The following KRABD5 variants were observed in gnomAD, a reference collection of about 807,000 sequenced individuals.
KRABD5 encodes the protein KRAB domain containing 5.
the KRABD5 span, among the ~76,000 whole-genome samples, chr16:31,726,259 C>A: frequency 6.6e-6 from 1 of 152,070 alleles, no homozygotes; most frequent in Non-Finnish European, 1.5e-5. Context: ...TATCTTGGTG[C>A]CCTTGTCAAA....
At chr16:31,738,515 T>C in the KRABD5 span, among the ~76,000 whole-genome samples, 1 of 152,142 alleles carries the variant, frequency 6.6e-6, no homozygotes, top group Non-Finnish European at 1.5e-5. Context: ...ATGACAGTAT[T>C]TTACTTTGCA....
chr16:31,720,200 TC>T, the KRABD5 span, among the ~76,000 whole-genome samples: 4 of 152,226 alleles, frequency 2.6e-5, no homozygotes, highest in African/African-American at 9.7e-5. Flanking sequence ...GATGTTACTG[TC>T]CTCTCCAGCC....
At chr16:31,753,337 C>T in the KRABD5 span, among the ~76,000 whole-genome samples, 1 of 152,198 alleles carries the variant, frequency 6.6e-6, no homozygotes, top group African/African-American at 2.4e-5. Flanking sequence ...ATCATTTCAA[C>T]TATATCACCA....
the KRABD5 span, among the ~76,000 whole-genome samples, chr16:31,731,452 G>A: frequency 6.6e-6 from 1 of 152,326 alleles, no homozygotes; most frequent in South Asian, 2.1e-4. Flanking sequence ...TAGAATAGAT[G>A]TGGACAGGTG....
chr16:31,753,755 G>C, the KRABD5 span: 19 of 1,456,484 alleles, frequency 1.3e-5, no homozygotes, highest in African/African-American at 2.9e-5. Flanking sequence ...AAAACTTTTG[G>C]TATCTTTCAG....
At chr16:31,719,738 A>T in the KRABD5 span, among the ~76,000 whole-genome samples, 4 of 152,220 alleles carry the variant, frequency 2.6e-5, no homozygotes, top group African/African-American at 9.6e-5. Context: ...CCCCAAACCC[A>T]AAAGCAGTTA....
chr16:31,743,440 G>A, the KRABD5 span, among the ~76,000 whole-genome samples: 1 of 152,086 alleles, frequency 6.6e-6, no homozygotes, highest in Non-Finnish European at 1.5e-5. Flanking sequence ...GTAGATGTAT[G>A]GTGTTATTTC....
At chr16:31,748,768 G>A in the KRABD5 span, among the ~76,000 whole-genome samples, 4 of 152,068 alleles carry the variant, frequency 2.6e-5, no homozygotes, top group African/African-American at 9.7e-5. Flanking sequence ...CCTTGGATGG[G>A]GTTTTTGTGG....
chr16:31,734,321 G>T, the KRABD5 span, among the ~76,000 whole-genome samples: 1 of 151,330 alleles, frequency 6.6e-6, no homozygotes, highest in Non-Finnish European at 1.5e-5. Context: ...CACAATTGTA[G>T]TTCACCATAG....
the KRABD5 span, among the ~76,000 whole-genome samples, chr16:31,720,599 A>G: frequency 6.6e-6 from 1 of 152,070 alleles, no homozygotes; most frequent in Non-Finnish European, 1.5e-5. Context: ...CCAGACTATG[A>G]TTTACTTTTT....
chr16:31,750,002 G>A, the KRABD5 span, among the ~76,000 whole-genome samples: 3 of 152,106 alleles, frequency 2.0e-5, no homozygotes, highest in Non-Finnish European at 4.4e-5. Flanking sequence ...TTTTGTTTAG[G>A]ATTGCTTTGG....
the KRABD5 span, chr16:31,759,510 T>C: frequency 4.0e-6 from 5 of 1,238,872 alleles, no homozygotes; most frequent in Admixed American, 1.0e-4. Flanking sequence ...CATGTACAGT[T>C]AAGGTTTATG....
the KRABD5 span, among the ~76,000 whole-genome samples, chr16:31,739,342 G>T: frequency 6.6e-6 from 1 of 152,068 alleles, no homozygotes; most frequent in East Asian, 1.9e-4. Context: ...ATTGGTAGTT[G>T]TCATTATTCA....
At chr16:31,759,521 C>G in the KRABD5 span, 1 of 1,143,306 alleles carries the variant, frequency 8.7e-7, no homozygotes, top group Non-Finnish European at 1.3e-6. Context: ...AAGGTTTATG[C>G]CTTGCAATGT....
the KRABD5 span, among the ~76,000 whole-genome samples, chr16:31,731,829 A>G: frequency 3.9e-5 from 6 of 152,236 alleles, no homozygotes; most frequent in Non-Finnish European, 7.3e-5. Flanking sequence ...GTGCCACTTC[A>G]GGATTCCCAT....
At chr16:31,755,673 C>G in the KRABD5 span, 6 of 467,294 alleles carry the variant, frequency 1.3e-5, no homozygotes, top group African/African-American at 1.2e-4. Context: ...AATCGATGCT[C>G]AACCCTTACT....
At chr16:31,720,157 A>G in the KRABD5 span, among the ~76,000 whole-genome samples, 2 of 152,222 alleles carry the variant, frequency 1.3e-5, no homozygotes, top group Non-Finnish European at 1.5e-5. Context: ...GCTTTAATGC[A>G]TGTATCCATG....
At chr16:31,713,561 T>A in the KRABD5 span, 1 of 1,360,748 alleles carries the variant, frequency 7.3e-7, no homozygotes. Flanking sequence ...CGGCCCTTGG[T>A]CCCCTCCGCC....
the KRABD5 span, among the ~76,000 whole-genome samples, chr16:31,736,418 T>C: frequency 6.6e-6 from 1 of 151,854 alleles, no homozygotes; most frequent in Non-Finnish European, 1.5e-5. Context: ...AGTTTTTTTT[T>C]TTTTTTTCTA....
Sources: gnomAD v4.1 joint callset for allele counts (sites outside exome capture counted in the v4.1 genomes callset) on GRCh38, gnomAD v4.1.1 for gene constraint, MANE v1.5 for transcripts, NCBI Gene and HGNC (gene_info 2026-07-23, HGNC 2026-07-21) for gene names.